CALN1: variants seen among roughly 807,000 people sequenced by gnomAD.
The protein encoded by CALN1 is calcium-binding protein 8.
CALN1 carries 17 observed loss-of-function variants against 30.6 expected under a neutral mutation model. The ratio of observed to expected loss-of-function variants is 0.56; its 90% CI spans 0.38 to 0.83. The LOEUF (loss-of-function observed/expected upper bound fraction) is 0.83. Among genes scored for constraint, CALN1 ranks in the 40% least tolerant of loss-of-function variants. The pLI, the probability that CALN1 is intolerant of heterozygous loss-of-function variation, is 0.00. For missense variants in CALN1, 291 were observed against 354.9 expected (o/e 0.82, Z 1.45); for synonymous variants, 156 against 131.4 (o/e 1.19, Z -1.28).
At chr7:71,825,208 C>CT (rs1469003030) in intron 5 of CALN1, among the ~76,000 whole-genome samples, 2 of 152,122 alleles carry the variant, frequency 1.3e-5, no homozygotes, top group African/African-American at 4.8e-5. Context: ...TAGAGTCTGA[C>CT]TGGTATGGTT....
intron 5 of CALN1, among the ~76,000 whole-genome samples, chr7:71,847,526 A>G (rs888804595): frequency 6.6e-6 from 1 of 151,710 alleles, no homozygotes; most frequent in Non-Finnish European, 1.5e-5. Context: ...CAAAAACAAA[A>G]AAAAAATTAT....
intron 5 of CALN1, among the ~76,000 whole-genome samples, chr7:71,910,826 A>G (rs890181930): frequency 7.2e-5 from 11 of 152,098 alleles, no homozygotes; most frequent in Admixed American, 2.0e-4. Flanking sequence ...GGGCACTACC[A>G]ATACCCTCCC....
intron 4 of CALN1, among the ~76,000 whole-genome samples, chr7:72,031,431 T>C (rs1280874079): frequency 2.0e-5 from 3 of 152,204 alleles, no homozygotes; most frequent in Non-Finnish European, 4.4e-5. Context: ...TTGAATTCCA[T>C]GCCAACACTA....
intron 1 of CALN1, among the ~76,000 whole-genome samples, chr7:72,405,497 CCCACAT>C (rs1374700415): frequency 6.6e-6 from 1 of 152,162 alleles, no homozygotes; most frequent in Non-Finnish European, 1.5e-5. Context: ...CACCCCCACA[CCCACAT>C]GGCTCCCACG....
chr7:72,232,491 C>T (rs1310086261), intron 3 of CALN1, among the ~76,000 whole-genome samples: 2 of 152,160 alleles, frequency 1.3e-5, no homozygotes, highest in African/African-American at 2.4e-5. Context: ...GACGGAGTCT[C>T]ACTCTGTTGC....
intron 5 of CALN1, among the ~76,000 whole-genome samples, chr7:71,826,507 G>A (rs1300818981): frequency 6.6e-6 from 1 of 152,122 alleles, no homozygotes; most frequent in Admixed American, 6.6e-5. Flanking sequence ...AATACCTAGG[G>A]CTAGGGTGTC....
chr7:71,972,000 A>AGAAAGG (rs1562946874), intron 5 of CALN1, among the ~76,000 whole-genome samples: 96 of 146,940 alleles, frequency 6.5e-4, no homozygotes, highest in African/African-American at 2.2e-3. Flanking sequence ...AAAGAGAAAG[A>AGAAAGG]AAGAAAAAAA....
At chr7:72,415,469 C>T (rs1028529652), upstream of CALN1, among the ~76,000 whole-genome samples, 2 of 152,194 alleles carry the variant, frequency 1.3e-5, no homozygotes. Flanking sequence ...CCCGGCATTG[C>T]CAGATGTCAT....
chr7:71,895,242 A>G (rs192803494), intron 5 of CALN1, among the ~76,000 whole-genome samples: 48 of 152,082 alleles, frequency 3.2e-4, no homozygotes, highest in African/African-American at 1.1e-3. Context: ...TACATGAACC[A>G]TTGTGCCCGG....
intron 5 of CALN1, among the ~76,000 whole-genome samples, chr7:71,996,738 A>C (rs140777668): frequency 1.3e-5 from 2 of 152,340 alleles, no homozygotes; most frequent in East Asian, 3.9e-4. Context: ...TTACCTATGT[A>C]ACAAACCTGC....
At chr7:72,131,401 T>A in intron 3 of CALN1, among the ~76,000 whole-genome samples, 1 of 152,222 alleles carries the variant, frequency 6.6e-6, no homozygotes, top group East Asian at 1.9e-4. Context: ...CGGTGCCTAA[T>A]AATTTGCATG....
chr7:72,225,501 G>C (rs1317532744), intron 3 of CALN1, among the ~76,000 whole-genome samples: 1 of 152,168 alleles, frequency 6.6e-6, no homozygotes, highest in African/African-American at 2.4e-5. Context: ...ATGGGGAAAA[G>C]AGGTCATTTT....
intron 5 of CALN1, among the ~76,000 whole-genome samples, chr7:71,823,212 T>C (rs1788694957): frequency 6.6e-6 from 1 of 151,614 alleles, no homozygotes; most frequent in Admixed American, 6.6e-5. Flanking sequence ...AGACAGGGTC[T>C]CACTCTGTGG....
chr7:72,370,978 G>A (rs1038742563), intron 2 of CALN1, among the ~76,000 whole-genome samples: 10 of 149,872 alleles, frequency 6.7e-5, no homozygotes, highest in Non-Finnish European at 1.0e-4. Context: ...AACCCGGGAC[G>A]TGGAGGTTGC....
At chr7:72,387,187 A>AG (rs1562938916) in intron 2 of CALN1, among the ~76,000 whole-genome samples, 13 of 133,678 alleles carry the variant, frequency 9.7e-5, no homozygotes, top group African/African-American at 2.5e-4. Context: ...GATCAAACTA[A>AG]GGAAGGGAGG....
chr7:72,023,616 T>C, intron 5 of CALN1, 41 bp downstream of exon 5: 2 of 1,479,196 alleles, frequency 1.4e-6, no homozygotes, highest in Non-Finnish European at 1.9e-6. Flanking sequence ...TCAGACACAT[T>C]TACTGTCAAA....
rs1789432510 is a variant in CALN1 at position 72,177,378 on chromosome 7, A to G, written c.245-71084T>C. Among the ~76,000 whole-genome samples the G allele has an allele frequency of 3.3e-5, 5 of 152,114 alleles. No homozygotes were observed. In the South Asian group the frequency reaches 1.0e-3, roughly 32 times the overall value. On this transcript the variant is annotated intron_variant, in intron 3 of 6. Transcript: ENST00000395275. ...GGCCTGGCCAGAGGGTCTATGTAAG[A>G]CTGATCAGCAGCTCAGGGTTTTTGT... is the stretch of plus-strand genomic sequence containing the variant.
chr7:72,046,694 A>G, intron 4 of CALN1, among the ~76,000 whole-genome samples: 2 of 135,126 alleles, frequency 1.5e-5, no homozygotes, highest in Non-Finnish European at 3.1e-5. Flanking sequence ...TGGGCAACAG[A>G]GCGAGACTCC....
At chr7:72,067,548 C>G (rs1368717313) in intron 4 of CALN1, among the ~76,000 whole-genome samples, 1 of 152,182 alleles carries the variant, frequency 6.6e-6, no homozygotes, top group Non-Finnish European at 1.5e-5. Context: ...CCACTCTCAG[C>G]CACTCCATAA....
Sources: gnomAD v4.1 joint callset for allele counts (sites outside exome capture counted in the v4.1 genomes callset) on GRCh38, gnomAD v4.1.1 for gene constraint, MANE v1.5 for transcripts, NCBI Gene and HGNC (gene_info 2026-07-23, HGNC 2026-07-21) for gene names.